Variants in ARSD observed in about 807,000 individuals in gnomAD.
ARSD encodes testis tissue sperm-binding protein Li 39a.
Under a neutral mutation model 32.6 loss-of-function variants are expected in ARSD, and 21 were observed. The ratio of observed to expected loss-of-function variants is 0.64; its 90% CI spans 0.46 to 0.93. The LOEUF is 0.93. ARSD is among the 40% of genes least tolerant of loss of function. The pLI is 0.00. For synonymous variants in ARSD, 224 were observed against 237.4 expected (o/e 0.94, Z 0.52); for missense variants, 454 against 520.9 (o/e 0.87, Z 1.25).
intron 4 of ARSD, among the ~76,000 whole-genome samples, chrX:2,919,855 T>A (rs2089012838): frequency 9.0e-6 from 1 of 111,137 alleles, no homozygotes; most frequent in Non-Finnish European, 1.9e-5. Context: ...GCATCCTGTG[T>A]GATCCCACTG....
chrX:2,927,140 C>G (rs1464171545), intron 1 of ARSD, among the ~76,000 whole-genome samples: 1 of 110,411 alleles, frequency 9.1e-6, no homozygotes, highest in Non-Finnish European at 1.9e-5. Flanking sequence ...AGAGGCACGG[C>G]AGTGCTGCTG....
chrX:2,929,168 C>T lies in ARSD; in HGVS notation c.44+64G>A, dbSNP rs773835019. Reference sequence around the variant, plus strand: ...CCCGGGGCGCCCCTCGCCGTGCTCGCGACCCCCTCCCCAGGCCCCCACCCT... The same window carrying T: ...CCCGGGGCGCCCCTCGCCGTGCTCGTGACCCCCTCCCCAGGCCCCCACCCT... On this transcript the variant is annotated intron_variant, in intron 1 of 9. Transcript: ENST00000381154. 9 of 975,659 alleles carry T rather than the reference C, an allele frequency of 9.2e-6. No homozygotes were observed. In the South Asian group the frequency reaches 3.0e-4, roughly 32 times the overall value. The allele number at this position is 975,659 out of a possible 1,213,427, so 80.4% of individuals were successfully genotyped here. A position where few individuals can be genotyped will look rare whatever the true frequency, so the allele number is the denominator to read the frequency against.
chrX:2,909,917 C>G lies in ARSD; in HGVS notation c.1198G>C (p.Gly400Arg). 8.3e-7 allele frequency: 1 copy of G among 1,211,155 alleles called. No homozygotes were observed. Among genetic ancestry groups the G allele is most frequent in the Non-Finnish European group, 1.1e-6 (1 of 895,389 alleles). The change falls in exon 8 of 10, where the codon GGG (glycine) becomes CGG (arginine). Residue 400 changes from glycine (G) to arginine (R), a missense_variant. Transcript: ENST00000381154. ...ATCACTCGGCCGGCCGGGAGCACCC[C>G]CGGCCAGTGGAAGATCCCGGGCACG... ...IRVPGIFHWP[G>R]VLPAGRVIGE... is the part of the protein sequence containing the mutation.
Position 2,921,898 on chromosome X carries a change from C to A in ARSD, c.316+5G>T, listed in dbSNP as rs781086446. The stretch of plus-strand genomic sequence containing the variant: ...CCATTTCTCCATCATCTCCGTGACA[C>A]CAACCTGATCTGAAGGAATGTCTCC... On this transcript the variant is annotated splice_donor_5th_base_variant and intron_variant, in intron 3 of 9. Coordinates refer to ENST00000381154, the MANE Select transcript of ARSD (RefSeq NM_001669.4). The A allele has an allele frequency of 1.7e-6, 2 of 1,207,396 alleles. No homozygotes were observed. Among genetic ancestry groups the A allele is most frequent in the South Asian group, 1.8e-5 (1 of 56,415 alleles).
chrX:2,913,806 C>A (rs2088923987), intron 6 of ARSD: 1 of 812,356 alleles, frequency 1.2e-6, no homozygotes, highest in Non-Finnish European at 1.6e-6. Flanking sequence ...GGCGGTGGGG[C>A]CTGGGGGGAG....
rs1214469700 is a variant in ARSD at position 2,904,334 on chromosome X, A to G, written c.*2937T>C. 9.0e-6 allele frequency: 1 copy of G among 111,568 alleles called. No individual in the cohort carries two copies. The highest frequency in any genetic ancestry group is 1.9e-5 in the Non-Finnish European group (1 of 53,203). 9.2% of individuals were successfully genotyped at this position (111,568 alleles called of 1,213,427 possible). The stretch of plus-strand genomic sequence containing the variant: ...TGCATTCTGTTGGTCAACGCAAGTC[A>G]GAGGCTCAGCCCAGATCCAAGGGCA... On this transcript the variant is annotated 3_prime_UTR_variant, in exon 10 of 10. Coordinates refer to ENST00000381154, the MANE Select transcript of ARSD (RefSeq NM_001669.4).
At chrX:2,913,715 T>C in intron 6 of ARSD, 4 of 967,340 alleles carry the variant, frequency 4.1e-6, no homozygotes, top group Non-Finnish European at 5.3e-6. Flanking sequence ...TGTTAAGTCA[T>C]TGGCTGTGTA....
chrX:2,909,880 G>T lies in ARSD; in HGVS notation c.1235C>A (p.Thr412Lys). The stretch of plus-strand genomic sequence containing the variant: ...AGTAGGGAACACGTCCATCAGGCTC[G>T]TGGGCTCTCCAATCACTCGGCCGGC... ...LPAGRVIGEP[T>K]SLMDVFPTVV... Residue 412 changes from threonine (T) to lysine (K), a missense_variant, in exon 8 of 10, where the codon ACG (threonine) becomes AAG (lysine). This residue lies in a region of ARSD where 179 missense variants were observed against 198.5 expected (regional missense o/e 0.90). Coordinates refer to ENST00000381154, the MANE Select transcript of ARSD (RefSeq NM_001669.4). 1 of 1,210,549 alleles carries T rather than the reference G, an allele frequency of 8.3e-7. No homozygotes were observed. The highest frequency in any genetic ancestry group is 1.1e-6 in the Non-Finnish European group (1 of 895,201).
rs774691255 is a variant in ARSD, at chrX:2,918,010, G to A, written c.657C>T (p.Thr219=). ...TCGCGGAGACAGAGAAGAAACCGCA[G>A]GTCTGGCCGGCAGCCAGGGTGAGAA... ...LGILTLAAGQ[T]CGFFSVSARA... is the part of the protein sequence containing the mutation. The change falls in exon 5 of 10, where the codon ACC becomes ACT. Residue 219 remains threonine (T), a synonymous_variant. Transcript: ENST00000381154. The A allele has an allele frequency of 4.1e-6, 5 of 1,206,376 alleles. No homozygotes were observed. The highest frequency in any genetic ancestry group is 2.2e-5 in the Admixed American group (1 of 45,372).
chrX:2,914,418 TGG>T (rs58883920), intron 6 of ARSD: 6,505 of 275,357 alleles, frequency 0.024, 7 homozygotes, highest in Admixed American at 0.029. Flanking sequence ...TTTGTAGAGA[TGG>T]GGGGGGGGGG....
chrX:2,916,131 CAAAAAAAAAAAA>C (rs55848346), intron 5 of ARSD, among the ~76,000 whole-genome samples: 10 of 38,252 alleles, frequency 2.6e-4, no homozygotes, highest in Non-Finnish European at 3.9e-4. Flanking sequence ...GACCCTGTCT[CAAAAAAAAAAAA>C]AAAAAAAAAG....
Position 2,918,124 on chromosome X carries a change from T to G in ARSD, c.543A>C (p.Thr181=), listed in dbSNP as rs779178187. 1 of 1,201,644 alleles carries G rather than the reference T, an allele frequency of 8.3e-7. No homozygotes were observed. Among genetic ancestry groups the G allele is most frequent in the Non-Finnish European group, 1.1e-6 (1 of 890,520 alleles). The change falls in exon 5 of 10, where the codon ACA becomes ACC. Residue 181 remains threonine (T), a synonymous_variant. Coordinates refer to ENST00000381154, the MANE Select transcript of ARSD (RefSeq NM_001669.4). ...DYFYGMPFTL[T]NDCDPGRPPE... The stretch of plus-strand genomic sequence containing the variant: ...GGGGCCTGCCTGGGTCACAGTCGTT[T>G]GTGAGCGTGAAGGGCATGCCGTAGA...
intron 2 of ARSD, among the ~76,000 whole-genome samples, chrX:2,924,625 C>T (rs1397267486): frequency 3.5e-5 from 4 of 112,859 alleles, no homozygotes; most frequent in African/African-American, 6.4e-5. Flanking sequence ...TGGGGGTCTG[C>T]GAACCGATCT....
At chrX:2,928,640 G>A (rs2089114722) in intron 1 of ARSD, among the ~76,000 whole-genome samples, 1 of 98,523 alleles carries the variant, frequency 1.0e-5, no homozygotes, top group Admixed American at 1.1e-4. Flanking sequence ...TAGTGGACCC[G>A]GGGAACACGG....
chrX:2,918,698 C>CGT (rs2088999998), intron 4 of ARSD, among the ~76,000 whole-genome samples: 1 of 110,965 alleles, frequency 9.0e-6, no homozygotes, highest in Non-Finnish European at 1.9e-5. Flanking sequence ...CGAGATCATG[C>CGT]CACTGCACTC....
At position 2,921,941 on chromosome X, in the gene ARSD, C is replaced by T. The variant is rs759524737; in HGVS notation, c.278G>A (p.Arg93Gln). The T allele has an allele frequency of 4.1e-6, 5 of 1,209,786 alleles. No homozygotes were observed. The highest frequency in any genetic ancestry group is 1.7e-5 in the African/African-American group (1 of 57,254). The change falls in exon 3 of 10, where the codon CGA becomes CAA. Residue 93 changes from arginine to glutamine, a missense_variant. This residue lies in a region of ARSD where 271 missense variants were observed against 301.0 expected (regional missense o/e 0.90). Transcript: ENST00000381154. ...ATGTCTCCCTGTGAGGAATGCAGCT[C>T]GGCTTGGGGTGCAGAGCGGGGCGGC... ...LAAAPLCTPSRAAFLTGRHSF... is the reference protein window; with the variant it reads ...LAAAPLCTPSQAAFLTGRHSF...
In ARSD at chrX:2,907,423, C is replaced by T; in HGVS notation, c.1630G>A (p.Val544Ile). 8.2e-6 allele frequency: 10 copies of T among 1,212,128 alleles called. No individual in the cohort carries two copies. Among genetic ancestry groups the T allele is most frequent in the South Asian group, 1.8e-5 (1 of 56,954 alleles). ...CGATGCTCCGACACCGCGGCACCTACCCTTGCTATCACGGCGTGGTACAGG... is the reference window on the plus strand; with the variant it reads ...CGATGCTCCGACACCGCGGCACCTATCCTTGCTATCACGGCGTGGTACAGG... ...EPLYHAVIAR[V>I]GAAVSEHRQT... Residue 544 changes from valine (V) to isoleucine (I), a missense_variant, in exon 10 of 10, where the codon GTA becomes ATA. This residue lies in a region of ARSD where 179 missense variants were observed against 198.5 expected (regional missense o/e 0.90). Transcript: ENST00000381154.
In ARSD at chrX:2,904,076, C is replaced by G. The variant is rs1173767659; in HGVS notation, c.*3195G>C. The G allele has an allele frequency of 9.0e-6, 1 of 111,662 alleles. No individual in the cohort carries two copies. The highest frequency in any genetic ancestry group is 1.9e-5 in the Non-Finnish European group (1 of 53,176). The allele number at this position is 111,662 out of a possible 1,213,427, so 9.2% of individuals were successfully genotyped here. A position where few individuals can be genotyped will look rare whatever the true frequency, so the allele number is the denominator to read the frequency against. ...ACTGTCCTATTCGCAGAGCCGTCCA[C>G]AGGTACCTACCCCCTGGACTGCAGC... On this transcript the variant is annotated 3_prime_UTR_variant, in exon 10 of 10. Coordinates refer to ENST00000381154, the MANE Select transcript of ARSD (RefSeq NM_001669.4).
intron 6 of ARSD, chrX:2,913,646 G>T: frequency 1.0e-6 from 1 of 1,000,443 alleles, no homozygotes; most frequent in Non-Finnish European, 1.3e-6. Context: ...TAGAAGGAAG[G>T]TGACCTCTCT....
Sources: gnomAD v4.1 joint callset for allele counts (sites outside exome capture counted in the v4.1 genomes callset) on GRCh38, gnomAD v4.1.1 for gene constraint, gnomAD v4.1.1 regional missense constraint, MANE v1.5 for transcripts, NCBI Gene and HGNC (gene_info 2026-07-23, HGNC 2026-07-21) for gene names.